Variants in PPP3CA observed in about 807,000 individuals in gnomAD.
PPP3CA encodes the protein CAM-PRP catalytic subunit.
Under a neutral mutation model 66.5 loss-of-function variants are expected in PPP3CA, and 14 were observed. The observed-to-expected ratio is 0.21, with a 90% CI of 0.14 to 0.33. The LOEUF is 0.33. Ranked by LOEUF, PPP3CA falls within the 10% of genes least tolerant of loss-of-function variation. PPP3CA has a pLI of 1.00. For synonymous variants in PPP3CA, 232 were observed against 226.2 expected (o/e 1.03, Z -0.23); for missense variants, 317 against 639.5 (o/e 0.50, Z 5.44).
At chr4:101,226,681 T>C (rs1725792749) in intron 1 of PPP3CA, among the ~76,000 whole-genome samples, 1 of 151,716 alleles carries the variant, frequency 6.6e-6, no homozygotes, top group Non-Finnish European at 1.5e-5. Flanking sequence ...AGTAACATTT[T>C]TACTCAAAGA....
At chr4:101,079,080 T>C (rs969394051) in intron 8 of PPP3CA, among the ~76,000 whole-genome samples, 1 of 152,078 alleles carries the variant, frequency 6.6e-6, no homozygotes, top group Non-Finnish European at 1.5e-5. Context: ...GCAAACACCA[T>C]CCAGCAGATG....
chr4:101,140,007 CTT>C (rs1208884419), intron 2 of PPP3CA, among the ~76,000 whole-genome samples: 3 of 151,912 alleles, frequency 2.0e-5, no homozygotes, highest in Non-Finnish European at 4.4e-5. Flanking sequence ...CAAATTATCT[CTT>C]TTACATTGCT....
chr4:101,063,148 G>A (rs1232437745), intron 9 of PPP3CA, 84 bp downstream of exon 9: 2 of 1,476,796 alleles, frequency 1.4e-6, no homozygotes, highest in African/African-American at 2.8e-5. Context: ...CTGGGCCAAA[G>A]TTCTTCTCTT....
rs886648954 is a variant in PPP3CA, at chr4:101,202,050, A to C, written c.59-5934T>G. 2.6e-5 allele frequency among the ~76,000 whole-genome samples: 4 copies of C among 152,198 alleles called. No individual in the cohort carries two copies. The East Asian group carries it at 5.8e-4, about 22-fold the overall frequency. ...CTTGAGATAGTTGGCAAAGTGTTAA[A>C]CTGCAAAACTAAAGAACAAGTTTAA... is the stretch of plus-strand genomic sequence containing the variant. On this transcript the variant is annotated intron_variant, in intron 1 of 13. Coordinates refer to ENST00000394854, the MANE Select transcript of PPP3CA (RefSeq NM_000944.5).
chr4:101,329,510 C>T (rs890066931), intron 1 of PPP3CA, among the ~76,000 whole-genome samples: 3 of 152,088 alleles, frequency 2.0e-5, no homozygotes, highest in Admixed American at 6.6e-5. Flanking sequence ...TTAATGAAGG[C>T]GGCTACACTC....
At chr4:101,236,420 A>G (rs564815574) in intron 1 of PPP3CA, among the ~76,000 whole-genome samples, 2 of 152,076 alleles carry the variant, frequency 1.3e-5, no homozygotes, top group Non-Finnish European at 2.9e-5. Context: ...GTTGGTGAGG[A>G]CACCATCTGT....
chr4:101,057,430 A>G (rs1170535113), intron 10 of PPP3CA, among the ~76,000 whole-genome samples: 4 of 152,212 alleles, frequency 2.6e-5, no homozygotes, highest in Admixed American at 2.6e-4. Context: ...ATGAGATATG[A>G]ACTAAAAGGT....
chr4:101,223,572 A>C (rs1243516685), intron 1 of PPP3CA, among the ~76,000 whole-genome samples: 1 of 151,866 alleles, frequency 6.6e-6, no homozygotes, highest in African/African-American at 2.4e-5. Context: ...TTTATAGTAC[A>C]GTGGTATTTC....
chr4:101,307,005 A>G (rs567236955), intron 1 of PPP3CA, among the ~76,000 whole-genome samples: 7 of 152,162 alleles, frequency 4.6e-5, no homozygotes, highest in Non-Finnish European at 8.8e-5. Flanking sequence ...GAGGGAATGC[A>G]TGCTATGTCT....
At chr4:101,154,643 T>C (rs904083510) in intron 2 of PPP3CA, among the ~76,000 whole-genome samples, 1 of 152,118 alleles carries the variant, frequency 6.6e-6, no homozygotes, top group African/African-American at 2.4e-5. Flanking sequence ...AGTGTAATCA[T>C]TATGACTCTA....
intron 2 of PPP3CA, among the ~76,000 whole-genome samples, chr4:101,140,387 A>G (rs1460630484): frequency 6.6e-6 from 1 of 152,200 alleles, no homozygotes; most frequent in African/African-American, 2.4e-5. Flanking sequence ...TCAGCAGCCC[A>G]GTGCATGCCC....
At chr4:101,279,951 G>A (rs761896524) in intron 1 of PPP3CA, among the ~76,000 whole-genome samples, 5 of 152,114 alleles carry the variant, frequency 3.3e-5, no homozygotes, top group East Asian at 1.9e-4. Flanking sequence ...AGAAATTGAC[G>A]GAAGCACTTT....
chr4:101,040,200 T>C (rs901181011), intron 11 of PPP3CA, among the ~76,000 whole-genome samples: 2 of 152,154 alleles, frequency 1.3e-5, no homozygotes, highest in Admixed American at 6.5e-5. Flanking sequence ...ATATTCAACC[T>C]ACCGTGAAAT....
At chr4:101,099,526 G>T in intron 4 of PPP3CA, 85 bp downstream of exon 4, 3 of 668,040 alleles carry the variant, frequency 4.5e-6, no homozygotes, top group Admixed American at 3.6e-5. Context: ...TTAGGCAATA[G>T]ATCATATTGT....
intron 1 of PPP3CA, among the ~76,000 whole-genome samples, chr4:101,305,159 C>T (rs1037440476): frequency 2.0e-5 from 3 of 152,180 alleles, no homozygotes; most frequent in African/African-American, 7.2e-5. Flanking sequence ...TATCTGAAAT[C>T]AGAGCAAATG....
chr4:101,150,552 G>A (rs1051509808), intron 2 of PPP3CA, among the ~76,000 whole-genome samples: 1 of 152,052 alleles, frequency 6.6e-6, no homozygotes, highest in African/African-American at 2.4e-5. Flanking sequence ...TGTAATGATT[G>A]GTATCACTAT....
chr4:101,201,562 A>T (rs1226012152), intron 1 of PPP3CA, among the ~76,000 whole-genome samples: 1 of 152,232 alleles, frequency 6.6e-6, no homozygotes, highest in African/African-American at 2.4e-5. Flanking sequence ...AACAAGCTCC[A>T]CACCAGTCAA....
chr4:101,238,463 CATT>C (rs1340728872), intron 1 of PPP3CA, among the ~76,000 whole-genome samples: 2 of 151,378 alleles, frequency 1.3e-5, no homozygotes, highest in African/African-American at 2.4e-5. Flanking sequence ...TTTAGAATAA[CATT>C]ATCTTCATCA....
At chr4:101,141,824 A>G (rs1181786904) in intron 2 of PPP3CA, among the ~76,000 whole-genome samples, 1 of 152,200 alleles carries the variant, frequency 6.6e-6, no homozygotes, top group East Asian at 1.9e-4. Context: ...TGACTTATTA[A>G]TCAGTGACTG....
Sources: gnomAD v4.1 joint callset for allele counts (sites outside exome capture counted in the v4.1 genomes callset) on GRCh38, gnomAD v4.1.1 for gene constraint, MANE v1.5 for transcripts, NCBI Gene and HGNC (gene_info 2026-07-23, HGNC 2026-07-21) for gene names.